BACH1: variants seen among roughly 807,000 people sequenced by gnomAD.
The protein encoded by BACH1 is BTB domain and CNC homolog 1, also known as transcription regulator protein BACH1.
A neutral mutation model predicts 52.9 loss-of-function variants in BACH1; 35 were observed. The ratio of observed to expected loss-of-function variants is 0.66; its 90% CI spans 0.51 to 0.88. The LOEUF is 0.88. Ranked by LOEUF, BACH1 falls within the 40% of genes least tolerant of loss-of-function variation. The pLI is 0.00. For missense variants in BACH1, 808 were observed against 872.6 expected (o/e 0.93, Z 0.93); for synonymous variants, 321 against 319.6 (o/e 1.00, Z -0.05).
chr21:29,322,937 A>T (rs1304767018), intron 2 of BACH1, among the ~76,000 whole-genome samples: 1 of 152,234 alleles, frequency 6.6e-6, no homozygotes, highest in Non-Finnish European at 1.5e-5. Context: ...ATTGAATGAG[A>T]CTTTACAAGT....
In BACH1 at chr21:29,321,246, T is replaced by G; in HGVS notation, c.-35T>G. ...GTTGATGATAATTAGAAGCATGCTT[T>G]CCACTGAACTTCCCGACAACATTTG... On this transcript the variant is annotated 5_prime_UTR_variant, in exon 2 of 5. Coordinates refer to ENST00000286800, the MANE Select transcript of BACH1 (RefSeq NM_001186.4). 1.3e-6 allele frequency: 2 copies of G among 1,538,650 alleles called. No homozygotes were observed. The highest frequency in any genetic ancestry group is 1.8e-6 in the Non-Finnish European group (2 of 1,112,250).
chr21:29,331,970 G>A (rs897756598), intron 4 of BACH1, among the ~76,000 whole-genome samples: 4 of 151,864 alleles, frequency 2.6e-5, no homozygotes, highest in East Asian at 1.9e-4. Context: ...GCATGATCTC[G>A]GCTCACTGCA....
At chr21:29,320,785 C>G (rs766322001) in intron 1 of BACH1, among the ~76,000 whole-genome samples, 63 of 152,194 alleles carry the variant, frequency 4.1e-4, no homozygotes, top group Non-Finnish European at 7.9e-4. Flanking sequence ...GCCTGTTTTA[C>G]TATCAGTCTC....
chr21:29,355,061 C>G (rs1457820016), intron 2 of BACH1, among the ~76,000 whole-genome samples: 1 of 152,188 alleles, frequency 6.6e-6, no homozygotes, highest in Non-Finnish European at 1.5e-5. Flanking sequence ...GGAAGGGGAC[C>G]GGAGCGGGTT....
intron 2 of BACH1, among the ~76,000 whole-genome samples, chr21:29,353,447 C>G (rs920222668): frequency 2.6e-5 from 4 of 152,120 alleles, no homozygotes; most frequent in African/African-American, 9.7e-5. Flanking sequence ...CGTGTCACAA[C>G]CCCCTTCTTT....
At chr21:29,335,493 T>C (rs1227924399) in intron 4 of BACH1, among the ~76,000 whole-genome samples, 1 of 152,216 alleles carries the variant, frequency 6.6e-6, no homozygotes, top group Non-Finnish European at 1.5e-5. Flanking sequence ...TACAGTCTCA[T>C]AGGGAGTCAA....
At chr21:29,332,209 C>T (rs2088992590) in intron 4 of BACH1, among the ~76,000 whole-genome samples, 1 of 152,324 alleles carries the variant, frequency 6.6e-6, no homozygotes, top group South Asian at 2.1e-4. Flanking sequence ...GCTGGGATTA[C>T]AGGTGTGAGC....
chr21:29,351,593 T>C (rs1282994469), intron 2 of BACH1: 1 of 534,606 alleles, frequency 1.9e-6, no homozygotes, highest in Admixed American at 1.9e-5. Context: ...AGACCTCATC[T>C]ATTATGCTCA....
chr21:29,347,525 C>T (rs2089176594), downstream of BACH1, among the ~76,000 whole-genome samples: 1 of 152,140 alleles, frequency 6.6e-6, no homozygotes, highest in African/African-American at 2.4e-5. Context: ...AAGAGTGTTC[C>T]CCTTTCATGC....
chr21:29,316,996 C>T (rs188962425), intron 1 of BACH1, among the ~76,000 whole-genome samples: 30 of 152,314 alleles, frequency 2.0e-4, no homozygotes, highest in Admixed American at 1.4e-3. Flanking sequence ...CCCCAACCTC[C>T]GGGTTGCACA....
intron 1 of BACH1, among the ~76,000 whole-genome samples, chr21:29,320,235 A>G (rs1393903998): frequency 1.3e-5 from 2 of 152,244 alleles, no homozygotes; most frequent in African/African-American, 4.8e-5. Flanking sequence ...GAGGCATCAC[A>G]CGGATAAAGG....
chr21:29,360,009 A>G (rs531945405), intron 2 of BACH1, among the ~76,000 whole-genome samples: 3 of 152,280 alleles, frequency 2.0e-5, no homozygotes, highest in Admixed American at 1.3e-4. Context: ...TCCACCTCAC[A>G]TGTATTCAGT....
intron 1 of BACH1, among the ~76,000 whole-genome samples, chr21:29,318,772 A>G (rs1216840969): frequency 2.0e-5 from 3 of 152,180 alleles, no homozygotes; most frequent in African/African-American, 7.2e-5. Context: ...TGAGATTCAA[A>G]GAACCTTTAG....
Position 29,355,847 on chromosome 21 carries a change from G to A in BACH1, c.472+26154G>A, listed in dbSNP as rs543591789. 2.0e-5 allele frequency among the ~76,000 whole-genome samples: 3 copies of A among 152,338 alleles called. No homozygotes were observed. In the South Asian group the frequency reaches 6.2e-4, roughly 32 times the overall value. ...TGGTATAAGAGTTTTGAAAGGCGTT[G>A]TCTGATTTCAGAAGCCTTTTCCTGT... On this transcript the variant is annotated intron_variant, in intron 2 of 4. Coordinates refer to the BACH1 transcript ENST00000422809.
intron 4 of BACH1, among the ~76,000 whole-genome samples, chr21:29,336,548 T>C (rs575131486): frequency 2.0e-5 from 3 of 152,356 alleles, no homozygotes; most frequent in African/African-American, 7.2e-5. Flanking sequence ...GTTGATGACC[T>C]TCACTGTGAT....
rs565373808 is a variant in BACH1, at chr21:29,342,999, A to C, written c.*166A>C. 13 of 656,294 alleles carry C rather than the reference A, an allele frequency of 2.0e-5. No homozygotes were observed. The highest frequency in any genetic ancestry group is 9.7e-5 in the South Asian group (3 of 31,050). 40.7% of individuals were successfully genotyped at this position (656,294 alleles called of 1,614,324 possible). ...CAACCATGATTTCTCCTTGATTTCT[A>C]CAAGAGACAAAGAAATGATTTTGCC... On this transcript the variant is annotated 3_prime_UTR_variant, in exon 5 of 5. Coordinates refer to ENST00000286800, the MANE Select transcript of BACH1 (RefSeq NM_001186.4).
chr21:29,331,923 C>A (rs750211950), intron 4 of BACH1, among the ~76,000 whole-genome samples: 18 of 151,936 alleles, frequency 1.2e-4, no homozygotes, highest in Non-Finnish European at 2.2e-4. Flanking sequence ...TATTTTTAGA[C>A]GGAGTCTTGC....
Position 29,335,877 on chromosome 21 carries a change from CCT to C in BACH1, c.1776+6188_1776+6189del, listed in dbSNP as rs2089038899. On this transcript the variant is annotated intron_variant, in intron 4 of 4. Transcript: ENST00000286800. ...TGTCATTCCTCACTCTGGCTCTCTTCCTCTCCTTTTATTTTCTGAATTGTTTG... is the reference window on the plus strand; with the variant it reads ...TGTCATTCCTCACTCTGGCTCTCTTCCTCCTTTTATTTTCTGAATTGTTTG... Among the ~76,000 whole-genome samples, 3 of 152,156 alleles carry C rather than the reference CCT, an allele frequency of 2.0e-5. No homozygotes were observed. The South Asian group carries it at 6.2e-4, about 31-fold the overall frequency.
chr21:29,357,866 A>G (rs1221760912), intron 2 of BACH1, among the ~76,000 whole-genome samples: 4 of 152,200 alleles, frequency 2.6e-5, no homozygotes, highest in African/African-American at 9.6e-5. Context: ...AGTAGGGGAC[A>G]ACAAATGGGT....
Sources: allele counts gnomAD v4.1 joint callset (sites outside exome capture counted in the v4.1 genomes callset), GRCh38; gene constraint gnomAD v4.1.1; transcripts MANE v1.5; gene names NCBI Gene and HGNC (gene_info 2026-07-23, HGNC 2026-07-21).